The following NKAIN3 variants were observed in gnomAD, a reference collection of about 807,000 sequenced individuals.
NKAIN3 encodes sodium/potassium-transporting ATPase subunit beta-1-interacting protein 3.
NKAIN3 carries 25 observed loss-of-function variants against 30.2 expected under a neutral mutation model. That is an observed-to-expected ratio of 0.83 (90% CI 0.60 to 1.16). NKAIN3 has a LOEUF of 1.16. NKAIN3 is among the 50% of genes most tolerant of loss of function. NKAIN3 has a pLI of 0.00. For synonymous variants in NKAIN3, 91 were observed against 89.6 expected (o/e 1.02, Z -0.09); for missense variants, 225 against 254.1 (o/e 0.89, Z 0.78).
intron 4 of NKAIN3, among the ~76,000 whole-genome samples, chr8:62,852,778 T>G (rs10099222): frequency 0.027 from 4,060 of 152,310 alleles, 179 homozygotes; most frequent in African/African-American, 0.092. Context: ...GTGAGTTTCT[T>G]AATCCTGAGT....
chr8:62,725,131 A>C (rs994299607), intron 3 of NKAIN3, among the ~76,000 whole-genome samples: 2 of 152,156 alleles, frequency 1.3e-5, no homozygotes, highest in Non-Finnish European at 2.9e-5. Flanking sequence ...TCTGATGATC[A>C]GTGATGTTGA....
rs576815935 is a variant in NKAIN3 at position 62,279,352 on chromosome 8, G to T, written c.54+30225G>T. Among the ~76,000 whole-genome samples, 230 of 152,226 alleles carry T rather than the reference G, an allele frequency of 1.5e-3. 2 individuals carry two copies. Among genetic ancestry groups the T allele is most frequent in the East Asian group, 1.7e-3 (9 of 5,180 alleles). ...GTTCACTCTGATGGTAGTTTCTTTT[G>T]CTGTGCAGAAGCTCTTTAGTTTAAA... is the stretch of plus-strand genomic sequence containing the variant. On this transcript the variant is annotated intron_variant, in intron 1 of 6. Transcript: ENST00000623646.
Position 62,249,004 on chromosome 8 carries a change from A to C in NKAIN3, c.-70A>C, listed in dbSNP as rs568311171. The C allele has an allele frequency of 5.4e-5, 75 of 1,399,342 alleles. No individual in the cohort carries two copies. The East Asian group carries it at 1.7e-3, about 31-fold the overall frequency. The allele number at this position is 1,399,342 out of a possible 1,614,324, so 86.7% of individuals were successfully genotyped here. On this transcript the variant is annotated 5_prime_UTR_variant, in exon 1 of 7. Coordinates refer to ENST00000623646, the MANE Select transcript of NKAIN3 (RefSeq NM_001304533.3). ...CCGGGCCGGGCGGGGACTACTCCGG[A>C]GTCAGGAGGCAGCAGCGGCGGAGGA...
Position 62,674,818 on chromosome 8 carries a change from T to C in NKAIN3, c.274-72114T>C, listed in dbSNP as rs534990062. Among the ~76,000 whole-genome samples, 7 of 152,286 alleles carry C rather than the reference T, an allele frequency of 4.6e-5. No homozygotes were observed. In the South Asian group the frequency reaches 1.5e-3, roughly 32 times the overall value. ...TTAGGATTGTGAAAATCCTTTAAAATTGTTACCTACTTTACAGAGAAGAAC... is the reference window on the plus strand; with the variant it reads ...TTAGGATTGTGAAAATCCTTTAAAACTGTTACCTACTTTACAGAGAAGAAC... On this transcript the variant is annotated intron_variant, in intron 3 of 6. Transcript: ENST00000623646.
At chr8:62,492,060 G>A (rs2129637856) in intron 1 of NKAIN3, among the ~76,000 whole-genome samples, 1 of 152,246 alleles carries the variant, frequency 6.6e-6, no homozygotes, top group African/African-American at 2.4e-5. Context: ...AGAGTTGTGA[G>A]TATAGAAGCT....
chr8:62,932,229 A>C (rs1822640147), intron 5 of NKAIN3, among the ~76,000 whole-genome samples: 1 of 152,366 alleles, frequency 6.6e-6, no homozygotes, highest in East Asian at 1.9e-4. Flanking sequence ...CACTCATTCA[A>C]GAAGCAATTA....
chr8:62,557,933 T>G (rs892761499), intron 1 of NKAIN3, among the ~76,000 whole-genome samples: 1 of 152,166 alleles, frequency 6.6e-6, no homozygotes, highest in Non-Finnish European at 1.5e-5. Flanking sequence ...CTATTTTTCT[T>G]TGTTTTTATT....
chr8:62,576,774 C>T (rs1332233489), intron 1 of NKAIN3, among the ~76,000 whole-genome samples: 1 of 152,082 alleles, frequency 6.6e-6, no homozygotes, highest in Non-Finnish European at 1.5e-5. Context: ...AGCATCTCCC[C>T]AACACCACAG....
intron 4 of NKAIN3, among the ~76,000 whole-genome samples, chr8:62,853,842 G>A (rs745336899): frequency 1.3e-5 from 2 of 152,086 alleles, no homozygotes; most frequent in African/African-American, 2.4e-5. Flanking sequence ...ATTTAGTGCT[G>A]TAGATTTCTC....
chr8:62,586,329 G>A (rs1373715604), intron 2 of NKAIN3, among the ~76,000 whole-genome samples: 1 of 152,144 alleles, frequency 6.6e-6, no homozygotes, highest in Non-Finnish European at 1.5e-5. Context: ...GCCTTGGGAT[G>A]TTTGTTTGCT....
chr8:62,778,170 G>A (rs1306120267), intron 4 of NKAIN3, among the ~76,000 whole-genome samples: 1 of 152,062 alleles, frequency 6.6e-6, no homozygotes, highest in Non-Finnish European at 1.5e-5. Flanking sequence ...ACAGCACTGA[G>A]TCTCTCCCAC....
At chr8:62,872,061 C>T (rs537336860) in intron 4 of NKAIN3, among the ~76,000 whole-genome samples, 1 of 152,190 alleles carries the variant, frequency 6.6e-6, no homozygotes, top group Non-Finnish European at 1.5e-5. Flanking sequence ...TACACAAATA[C>T]TTACCATTGT....
At position 62,744,377 on chromosome 8, in the gene NKAIN3, G is replaced by A. The variant is rs144534649; in HGVS notation, c.274-2555G>A. On this transcript the variant is annotated intron_variant, in intron 3 of 6. Coordinates refer to ENST00000623646, the MANE Select transcript of NKAIN3 (RefSeq NM_001304533.3). ...TTCCAACAAATTTAATGATACCTATGCTGAAAGGTTTTATGAGTGTAACAA... is the reference window on the plus strand; with the variant it reads ...TTCCAACAAATTTAATGATACCTATACTGAAAGGTTTTATGAGTGTAACAA... 2.7e-3 allele frequency among the ~76,000 whole-genome samples: 409 copies of A among 152,266 alleles called. 3 individuals carry two copies. The highest frequency in any genetic ancestry group is 9.3e-3 in the African/African-American group (386 of 41,542).
rs917776500 is a variant in NKAIN3, at chr8:62,971,637, A to T, written c.*6230A>T. ...GATGGAGCCAAACCTTGTCTCAAAA[A>T]AAAAGCGGGGGGGGCTTCATTTATT... On this transcript the variant is annotated 3_prime_UTR_variant, in exon 7 of 7. Transcript: ENST00000623646. 6.7e-6 allele frequency among the ~76,000 whole-genome samples: 1 copy of T among 149,206 alleles called. No individual in the cohort carries two copies. Among genetic ancestry groups the T allele is most frequent in the Non-Finnish European group, 1.5e-5 (1 of 67,292 alleles).
intron 4 of NKAIN3, among the ~76,000 whole-genome samples, chr8:62,832,418 TA>T (rs1819226171): frequency 6.6e-6 from 1 of 151,868 alleles, no homozygotes; most frequent in African/African-American, 2.4e-5. Context: ...ACCCTGAATG[TA>T]AACTGCCTAA....
chr8:62,866,685 A>G (rs965887840), intron 4 of NKAIN3, among the ~76,000 whole-genome samples: 1 of 152,150 alleles, frequency 6.6e-6, no homozygotes, highest in Non-Finnish European at 1.5e-5. Context: ...TGCAATAACT[A>G]GATTGTGAAA....
chr8:62,515,003 C>A (rs765571373), intron 1 of NKAIN3, among the ~76,000 whole-genome samples: 4 of 152,046 alleles, frequency 2.6e-5, no homozygotes, highest in Admixed American at 2.0e-4. Context: ...AATTAATTTT[C>A]ATTTTCTCCC....
chr8:62,981,816 G>A lies in NKAIN3; in HGVS notation c.*16409G>A, dbSNP rs527602259. The stretch of plus-strand genomic sequence containing the variant: ...AAAATCCATACTCTAAAACTCCTGA[G>A]TTTTACATGTACCCTAAAACTTAAA... On this transcript the variant is annotated 3_prime_UTR_variant, in exon 7 of 7. Coordinates refer to ENST00000623646, the MANE Select transcript of NKAIN3 (RefSeq NM_001304533.3). 5 of 149,494 alleles carry A rather than the reference G, an allele frequency of 3.3e-5. No individual in the cohort carries two copies. Among genetic ancestry groups the A allele is most frequent in the African/African-American group, 1.2e-4 (5 of 40,792 alleles). 9.3% of individuals were successfully genotyped at this position (149,494 alleles called of 1,614,324 possible).
intron 1 of NKAIN3, among the ~76,000 whole-genome samples, chr8:62,313,585 G>C (rs534107430): frequency 6.6e-6 from 1 of 152,132 alleles, no homozygotes; most frequent in Non-Finnish European, 1.5e-5. Flanking sequence ...TAATTATAAG[G>C]AGCTCAAGGG....
Sources: allele counts gnomAD v4.1 joint callset (sites outside exome capture counted in the v4.1 genomes callset), GRCh38; gene constraint gnomAD v4.1.1; transcripts MANE v1.5; gene names NCBI Gene and HGNC (gene_info 2026-07-23, HGNC 2026-07-21).